Variants in KLF13 observed in about 807,000 individuals in gnomAD.
KLF13 encodes KLF transcription factor 13.
Under a neutral mutation model 16.7 loss-of-function variants are expected in KLF13, and 8 were observed. The ratio of observed to expected loss-of-function variants is 0.48; its 90% CI spans 0.28 to 0.87. The LOEUF (loss-of-function observed/expected upper bound fraction) is 0.87, where lower values mean the gene tolerates loss of function less well. Among genes scored for constraint, KLF13 ranks in the 40% least tolerant of loss-of-function variants. KLF13 has a pLI of 0.10. For synonymous variants in KLF13, 245 were observed against 208.4 expected (o/e 1.18, Z -1.51); for missense variants, 447 against 452.2 (o/e 0.99, Z 0.10).
intron 1 of KLF13, among the ~76,000 whole-genome samples, chr15:31,427,044 A>G (rs955631629): frequency 6.6e-6 from 1 of 152,198 alleles, no homozygotes; most frequent in African/African-American, 2.4e-5. Flanking sequence ...TTACATCATC[A>G]GCTTCCTAAA....
intron 1 of KLF13, among the ~76,000 whole-genome samples, chr15:31,424,209 A>T (rs540028331): frequency 6.6e-6 from 1 of 152,306 alleles, no homozygotes; most frequent in East Asian, 1.9e-4. Flanking sequence ...AAAATTGAAG[A>T]AAAAGGAATT....
intron 1 of KLF13, among the ~76,000 whole-genome samples, chr15:31,385,782 T>C (rs2039789441): frequency 6.6e-6 from 1 of 152,204 alleles, no homozygotes; most frequent in Admixed American, 6.5e-5. Flanking sequence ...TTAATAACCT[T>C]ACAATTGCCT....
At chr15:31,396,312 C>T (rs1172670309) in intron 2 of KLF13, among the ~76,000 whole-genome samples, 1 of 152,092 alleles carries the variant, frequency 6.6e-6, no homozygotes, top group African/African-American at 2.4e-5. Flanking sequence ...CATGAGCCAC[C>T]GTGCCCGGCC....
chr15:31,366,950 G>A (rs1249042757), intron 1 of KLF13, among the ~76,000 whole-genome samples: 1 of 152,276 alleles, frequency 6.6e-6, no homozygotes, highest in African/African-American at 2.4e-5. Context: ...GCTACAGGAT[G>A]TGTGACAGCA....
At chr15:31,355,129 T>G (rs923653917) in intron 1 of KLF13, among the ~76,000 whole-genome samples, 4 of 152,190 alleles carry the variant, frequency 2.6e-5, no homozygotes, top group African/African-American at 9.6e-5. Flanking sequence ...CACAGGTGTT[T>G]ATGAGATCAA....
At position 31,342,102 on chromosome 15, in the gene KLF13, C is replaced by A. The variant is rs576273786; in HGVS notation, c.577+14313C>A. On this transcript the variant is annotated intron_variant, in intron 1 of 1. Transcript: ENST00000307145. Reference sequence around the variant, plus strand: ...AGAAGTAGATGAACTGAAACCTCAACCTCAAGGTGAAAGACTCAGTCACCA... The same window carrying A: ...AGAAGTAGATGAACTGAAACCTCAAACTCAAGGTGAAAGACTCAGTCACCA... Among the ~76,000 whole-genome samples the A allele has an allele frequency of 3.7e-3, 568 of 152,296 alleles. 1 individual carries two copies. The highest frequency in any genetic ancestry group is 7.7e-3 in the Admixed American group (118 of 15,308).
At chr15:31,420,600 A>G in intron 1 of KLF13, 1 of 416,728 alleles carries the variant, frequency 2.4e-6, no homozygotes, top group Non-Finnish European at 4.5e-6. Context: ...TTCTGGAAAA[A>G]CCCTACAGCT....
chr15:31,418,216 C>A (rs1056571370), intron 1 of KLF13, among the ~76,000 whole-genome samples: 43 of 151,960 alleles, frequency 2.8e-4, no homozygotes, highest in Non-Finnish European at 1.0e-4. Context: ...TAAAGTTGTA[C>A]TTTAGAGGAT....
At chr15:31,369,523 G>A (rs1356231390) in intron 1 of KLF13, among the ~76,000 whole-genome samples, 1 of 152,100 alleles carries the variant, frequency 6.6e-6, no homozygotes, top group Non-Finnish European at 1.5e-5. Flanking sequence ...TATTTTTCCT[G>A]GAGTTTCTAA....
chr15:31,402,378 T>G (rs539765024), intron 2 of KLF13, among the ~76,000 whole-genome samples: 3 of 152,156 alleles, frequency 2.0e-5, no homozygotes, highest in Admixed American at 2.0e-4. Flanking sequence ...GAAAGCAGTG[T>G]GCTTGGGGCA....
downstream of KLF13, among the ~76,000 whole-genome samples, chr15:31,406,310 C>G (rs998969559): frequency 5.3e-5 from 8 of 152,188 alleles, no homozygotes; most frequent in Non-Finnish European, 8.8e-5. Flanking sequence ...AACCCCATCT[C>G]TACTAAAAAT....
chr15:31,399,454 C>T (rs1249110696), intron 2 of KLF13, among the ~76,000 whole-genome samples: 2 of 152,290 alleles, frequency 1.3e-5, no homozygotes, highest in South Asian at 2.1e-4. Context: ...TGTGAGCCAC[C>T]GTGCCCAGCC....
chr15:31,434,214 G>A (rs2040504061), intron 1 of KLF13, among the ~76,000 whole-genome samples: 1 of 152,192 alleles, frequency 6.6e-6, no homozygotes. Flanking sequence ...GGGGAAATGA[G>A]GCTCAGAGAG....
In KLF13 at chr15:31,326,919, C is replaced by T. The variant is rs1477342559; in HGVS notation, c.-294C>T. The T allele has an allele frequency of 1.7e-4, 26 of 153,094 alleles. No individual in the cohort carries two copies. The highest frequency in any genetic ancestry group is 3.5e-4 in the Non-Finnish European group (24 of 69,114). 9.5% of individuals were successfully genotyped at this position (153,094 alleles called of 1,614,324 possible). ...CGGCCGCGACTTGGCGAGGTGGTCC[C>T]TAACGTTGCCGCTCGGCATCCTTAG... On this transcript the variant is annotated 5_prime_UTR_variant, in exon 1 of 2. Transcript: ENST00000307145.
At chr15:31,338,500 A>G (rs969399348) in intron 1 of KLF13, among the ~76,000 whole-genome samples, 7 of 152,226 alleles carry the variant, frequency 4.6e-5, no homozygotes, top group Non-Finnish European at 1.5e-5. Flanking sequence ...TCCCAGCCCT[A>G]TGAACCCCAG....
intron 1 of KLF13, among the ~76,000 whole-genome samples, chr15:31,369,555 C>A (rs777357638): frequency 6.6e-6 from 1 of 152,044 alleles, no homozygotes; most frequent in African/African-American, 2.4e-5. Flanking sequence ...TTCTTTTAAA[C>A]AAAGAAGAGT....
At chr15:31,370,048 T>TC (rs1244558918) in intron 1 of KLF13, among the ~76,000 whole-genome samples, 1 of 149,676 alleles carries the variant, frequency 6.7e-6, no homozygotes, top group African/African-American at 2.4e-5. Flanking sequence ...CTTTTTCTTT[T>TC]TTTTTTTTTT....
rs922065474 is a variant in KLF13, at chr15:31,374,300, C to T, written c.*2001C>T. On this transcript the variant is annotated 3_prime_UTR_variant, in exon 2 of 2. Coordinates refer to ENST00000307145, the MANE Select transcript of KLF13 (RefSeq NM_015995.4). ...CCTAAATTGGGCAGTGGCATTGTTT[C>T]TGCTGTGGTGGGAACTGGCAGGGAG... 3 of 152,460 alleles carry T rather than the reference C, an allele frequency of 2.0e-5. No homozygotes were observed. Among genetic ancestry groups the T allele is most frequent in the African/African-American group, 7.2e-5 (3 of 41,450 alleles). The allele number at this position is 152,460 out of a possible 1,614,324, so 9.4% of individuals were successfully genotyped here. A position where few individuals can be genotyped will look rare whatever the true frequency, so the allele number is the denominator to read the frequency against.
chr15:31,344,270 A>T (rs553617465), intron 1 of KLF13, among the ~76,000 whole-genome samples: 1 of 152,288 alleles, frequency 6.6e-6, no homozygotes, highest in South Asian at 2.1e-4. Context: ...GGGAGTGGGC[A>T]CCTAGGCTTT....
Sources: gnomAD v4.1 joint callset for allele counts (sites outside exome capture counted in the v4.1 genomes callset) on GRCh38, gnomAD v4.1.1 for gene constraint, MANE v1.5 for transcripts, NCBI Gene and HGNC (gene_info 2026-07-23, HGNC 2026-07-21) for gene names.